MCF2L2: variants seen among roughly 807,000 people sequenced by gnomAD.
MCF2L2 encodes MCF.2 cell line derived transforming sequence-like 2, also known as probable guanine nucleotide exchange factor MCF2L2.
Under a neutral mutation model 150.2 loss-of-function variants are expected in MCF2L2, and 102 were observed. That is an observed-to-expected ratio of 0.68 (90% CI 0.58 to 0.80). The LOEUF (loss-of-function observed/expected upper bound fraction) is 0.80, where lower values mean the gene tolerates loss of function less well. MCF2L2 is among the 30% of genes least tolerant of loss of function. The pLI, the probability that MCF2L2 is intolerant of heterozygous loss-of-function variation, is 0.00. For synonymous variants in MCF2L2, 465 were observed against 491.3 expected, an observed-to-expected ratio of 0.95 and a Z score of 0.71; for missense variants, 1,256 against 1,372.8, an observed-to-expected ratio of 0.91 and a Z score of 1.34.
chr3:183,226,122 G>A (rs1184665663), intron 18 of MCF2L2: 3 of 152,168 alleles, frequency 2.0e-5, no homozygotes, highest in Admixed American at 2.0e-4. Flanking sequence ...GGTCTCTGGA[G>A]GAGAATTGTT....
chr3:183,343,693 G>A (rs929975618), intron 3 of MCF2L2, among the ~76,000 whole-genome samples: 1 of 152,072 alleles, frequency 6.6e-6, no homozygotes, highest in African/African-American at 2.4e-5. Context: ...GAATCTGCAA[G>A]AAGAAATAGA....
chr3:183,256,391 G>A (rs569850417), intron 15 of MCF2L2, among the ~76,000 whole-genome samples: 1 of 152,304 alleles, frequency 6.6e-6, no homozygotes, highest in African/African-American at 2.4e-5. Context: ...TATAGGGGAT[G>A]TAAGAATCTT....
intron 7 of MCF2L2, among the ~76,000 whole-genome samples, chr3:183,316,299 A>AT (rs11330224): frequency 1.3e-4 from 19 of 149,760 alleles, no homozygotes; most frequent in South Asian, 6.3e-4. Flanking sequence ...TTCAGTCCAG[A>AT]TTTTTTTTTT....
rs747919467 is a variant in MCF2L2 at position 183,428,009 on chromosome 3, C to T, written c.-32G>A. The T allele has an allele frequency of 3.9e-6, 6 of 1,530,916 alleles. No individual in the cohort carries two copies. Among genetic ancestry groups the T allele is most frequent in the Admixed American group, 1.7e-5 (1 of 59,768 alleles). The allele number at this position is 1,530,916 out of a possible 1,614,324, so 94.8% of individuals were successfully genotyped here. On this transcript the variant is annotated 5_prime_UTR_variant, in exon 1 of 30. Coordinates refer to ENST00000328913, the MANE Select transcript of MCF2L2 (RefSeq NM_015078.4). This position sits in a 1 kb window ranked among gnomAD's most constrained non-coding sequence, Gnocchi z 5.1. ...GAAAAACCATTCCGTATAAATAAAGCCAAACAAAACTGTTTCTACCGCTGC... is the reference window on the plus strand; with the variant it reads ...GAAAAACCATTCCGTATAAATAAAGTCAAACAAAACTGTTTCTACCGCTGC...
At chr3:183,194,149 C>T (rs1294706952) in intron 26 of MCF2L2, among the ~76,000 whole-genome samples, 1 of 152,136 alleles carries the variant, frequency 6.6e-6, no homozygotes, top group Non-Finnish European at 1.5e-5. Flanking sequence ...CTAGAGCCCT[C>T]ACCTTTTCCA....
rs1721435802 is a variant in MCF2L2, at chr3:183,179,457, G to A, written c.3268C>T (p.Arg1090Trp). The change falls in exon 30 of 30, where the codon CGG becomes TGG. Residue 1090 changes from arginine to tryptophan, a missense_variant. Transcript: ENST00000328913. The surrounding 1 kb of genome is among the most constrained non-coding windows in gnomAD (Gnocchi z 4.2). ...GCCGTCGCCCCCGCAGGAGCCAGCC[G>A]GCCCGTGGACGCCCCAGCGCGCTCC... ...EEERAGASTGRLAPAGATAGF... is the reference protein window; with the variant it reads ...EEERAGASTGWLAPAGATAGF... 12 of 1,594,664 alleles carry A rather than the reference G, an allele frequency of 7.5e-6. No individual in the cohort carries two copies. Among genetic ancestry groups the A allele is most frequent in the Admixed American group, 1.8e-5 (1 of 55,836 alleles).
intron 3 of MCF2L2, among the ~76,000 whole-genome samples, chr3:183,361,854 C>T (rs1712228324): frequency 6.6e-6 from 1 of 152,106 alleles, no homozygotes; most frequent in African/African-American, 2.4e-5. Flanking sequence ...AACAGTGATG[C>T]CAAACAAGCA....
intron 11 of MCF2L2, chr3:183,299,144 GT>G (rs1363557746): frequency 2.0e-5 from 3 of 152,428 alleles, no homozygotes; most frequent in Non-Finnish European, 4.4e-5. Context: ...CCCTCTCCTT[GT>G]GGGCCCCTGG....
At chr3:183,221,908 T>C (rs552741170) in intron 20 of MCF2L2, among the ~76,000 whole-genome samples, 1 of 152,328 alleles carries the variant, frequency 6.6e-6, no homozygotes, top group African/African-American at 2.4e-5. Flanking sequence ...TCTAGTACCC[T>C]CATTTTACAT....
Position 183,300,162 on chromosome 3 carries a change from A to T in MCF2L2, c.1148T>A (p.Val383Asp). 6.2e-7 allele frequency: 1 copy of T among 1,610,860 alleles called. No homozygotes were observed. Among genetic ancestry groups the T allele is most frequent in the Non-Finnish European group, 8.5e-7 (1 of 1,179,294 alleles). ...GTGGCTTTGGATGAGCTGGTCCCCA[A>T]CCAGTGCCAGCAGCTGGGCCTTTTC... ...PLEKAQLLAL[V>D]GDQLIQSHHY... is the part of the protein sequence containing the mutation. The change falls in exon 11 of 30, where the codon GTT (valine) becomes GAT (aspartate). Residue 383 changes from valine to aspartate, a missense_variant. By Grantham distance (152) the Val-to-Asp change is radical (BLOSUM62 -3). Transcript: ENST00000328913.
intron 5 of MCF2L2, among the ~76,000 whole-genome samples, chr3:183,335,466 CAT>C (rs1357934571): frequency 6.6e-6 from 1 of 152,032 alleles, no homozygotes; most frequent in Non-Finnish European, 1.5e-5. Context: ...CTCCAAAATT[CAT>C]ATGTTGAAAC....
chr3:183,354,288 G>A (rs1031972502), intron 3 of MCF2L2, among the ~76,000 whole-genome samples: 10 of 152,044 alleles, frequency 6.6e-5, no homozygotes, highest in East Asian at 3.9e-4. Flanking sequence ...AAATGATCCC[G>A]CAAAGCTGTC....
intron 15 of MCF2L2, among the ~76,000 whole-genome samples, chr3:183,256,119 C>G (rs1725024391): frequency 6.6e-6 from 1 of 152,194 alleles, no homozygotes; most frequent in Non-Finnish European, 1.5e-5. Context: ...GTAAATAGAT[C>G]TCAGCTTTGA....
At chr3:183,272,752 T>C (rs1726888961) in intron 15 of MCF2L2, 1 of 1,067,270 alleles carries the variant, frequency 9.4e-7, no homozygotes, top group Non-Finnish European at 1.1e-6. Flanking sequence ...ATTAGTTGAT[T>C]GATTAATGAT....
chr3:183,232,994 T>C (rs1259403981), intron 15 of MCF2L2, among the ~76,000 whole-genome samples: 1 of 152,144 alleles, frequency 6.6e-6, no homozygotes, highest in African/African-American at 2.4e-5. Flanking sequence ...TGTTTATAAT[T>C]AGGACAATAT....
chr3:183,299,971 G>T, intron 11 of MCF2L2, 34 bp downstream of exon 11: 1 of 1,595,236 alleles, frequency 6.3e-7, no homozygotes, highest in Non-Finnish European at 8.5e-7. Context: ...AGAAAATCTT[G>T]CAGACATCAT....
chr3:183,272,236 G>A (rs924703312), intron 15 of MCF2L2: 1 of 999,988 alleles, frequency 1.0e-6, no homozygotes, highest in Non-Finnish European at 1.2e-6. Context: ...ATAAAAATGT[G>A]GCTATAATAC....
At chr3:183,364,326 C>A (rs1712391365) in intron 3 of MCF2L2, among the ~76,000 whole-genome samples, 1 of 151,866 alleles carries the variant, frequency 6.6e-6, no homozygotes, top group Non-Finnish European at 1.5e-5. Context: ...ACCATCCTGG[C>A]TAACACGGTG....
At chr3:183,180,394 T>C (rs1576901599) in intron 27 of MCF2L2, 3 of 460,432 alleles carry the variant, frequency 6.5e-6, no homozygotes, top group African/African-American at 3.9e-5. Flanking sequence ...ATGCTGTTCA[T>C]GGCCCTACCT....
Sources: gnomAD v4.1 joint callset for allele counts (sites outside exome capture counted in the v4.1 genomes callset) on GRCh38, gnomAD v4.1.1 for gene constraint, Gnocchi (gnomAD v3.1) non-coding constraint, MANE v1.5 for transcripts, NCBI Gene and HGNC (gene_info 2026-07-23, HGNC 2026-07-21) for gene names.